Variants in PKN2 observed in about 807,000 individuals in gnomAD.
PKN2 encodes the protein protein kinase N2, also known as serine/threonine-protein kinase N2.
A neutral mutation model predicts 119.1 loss-of-function variants in PKN2; 38 were observed. That is an observed-to-expected ratio of 0.32 (90% CI 0.25 to 0.42). The LOEUF (loss-of-function observed/expected upper bound fraction) is 0.42, where lower values mean the gene tolerates loss of function less well. PKN2 is among the 10% of genes least tolerant of loss of function. The pLI is 1.00. For missense variants in PKN2, 850 were observed against 1,165.1 expected (o/e 0.73, Z 3.94); for synonymous variants, 390 against 384.9 (o/e 1.01, Z -0.15).
At chr1:88,741,366 G>A in intron 2 of PKN2, 78 bp downstream of exon 2, 1 of 947,674 alleles carries the variant, frequency 1.1e-6, no homozygotes, top group Non-Finnish European at 1.5e-6. Flanking sequence ...AGTAAGTTTG[G>A]GGACATGAAT....
At chr1:88,708,216 T>G (rs1667077637) in intron 1 of PKN2, among the ~76,000 whole-genome samples, 1 of 152,168 alleles carries the variant, frequency 6.6e-6, no homozygotes, top group South Asian at 2.1e-4. Flanking sequence ...GTTGAACCTG[T>G]TAAACCTGTA....
chr1:88,710,123 C>T (rs1000533797), intron 1 of PKN2, among the ~76,000 whole-genome samples: 41 of 152,042 alleles, frequency 2.7e-4, no homozygotes, highest in African/African-American at 7.2e-4. Context: ...AATGTAAAAC[C>T]GGTCCTGGGA....
At chr1:88,710,166 G>A (rs1318995023) in intron 1 of PKN2, among the ~76,000 whole-genome samples, 2 of 152,056 alleles carry the variant, frequency 1.3e-5, no homozygotes, top group Admixed American at 6.6e-5. Flanking sequence ...GGAAGTCATC[G>A]GATAATATTT....
rs1031073179 is a variant in PKN2, at chr1:88,835,223, G to A, written c.*1775G>A. On this transcript the variant is annotated 3_prime_UTR_variant, in exon 22 of 22. Transcript: ENST00000370521. ...TTATAGAATGGGGGAACAATATGTG[G>A]TTTAAAGTTATTTTAAAATGCCAGT... 1.3e-5 allele frequency: 2 copies of A among 152,238 alleles called. No individual in the cohort carries two copies. Among genetic ancestry groups the A allele is most frequent in the African/African-American group, 4.8e-5 (2 of 41,426 alleles). The allele number at this position is 152,238 out of a possible 1,614,324, so 9.4% of individuals were successfully genotyped here.
At chr1:88,781,639 A>C (rs1041910967) in intron 6 of PKN2, among the ~76,000 whole-genome samples, 7 of 152,136 alleles carry the variant, frequency 4.6e-5, no homozygotes, top group Non-Finnish European at 7.4e-5. Flanking sequence ...CTAGATGTTT[A>C]ATAAAGAACT....
At chr1:88,687,506 T>C (rs1054471303) in intron 1 of PKN2, among the ~76,000 whole-genome samples, 3 of 152,174 alleles carry the variant, frequency 2.0e-5, no homozygotes, top group Non-Finnish European at 4.4e-5. Context: ...TAATGAAAAC[T>C]GTAAAGAATC....
chr1:88,744,461 A>C (rs1448255307), intron 2 of PKN2, among the ~76,000 whole-genome samples: 3 of 152,140 alleles, frequency 2.0e-5, no homozygotes, highest in Non-Finnish European at 4.4e-5. Context: ...TCCCTCTGTC[A>C]CCAGGCTGGA....
chr1:88,718,225 C>T (rs1009614325), intron 1 of PKN2, among the ~76,000 whole-genome samples: 16 of 152,148 alleles, frequency 1.1e-4, no homozygotes, highest in East Asian at 1.9e-4. Context: ...ATGAGGTGTC[C>T]GTTGGGCCCT....
chr1:88,713,046 T>C lies in PKN2; in HGVS notation c.49-27942T>C, dbSNP rs941384771. Among the ~76,000 whole-genome samples, 3 of 152,282 alleles carry C rather than the reference T, an allele frequency of 2.0e-5. No homozygotes were observed. The East Asian group carries it at 5.8e-4, about 29-fold the overall frequency. ...AATGTTTGGTTTTCTGTCCTTGCGA[T>C]AGTTTGCTCAGAATGATGGTTTCCA... On this transcript the variant is annotated intron_variant, in intron 1 of 21. Coordinates refer to ENST00000370521, the MANE Select transcript of PKN2 (RefSeq NM_006256.4).
chr1:88,768,870 G>C (rs920869568), intron 3 of PKN2, among the ~76,000 whole-genome samples: 1 of 152,216 alleles, frequency 6.6e-6, no homozygotes, highest in Non-Finnish European at 1.5e-5. Flanking sequence ...GCTGGCATGT[G>C]CTTCTGTTGA....
At chr1:88,772,852 ATTC>A (rs1570607759) in intron 6 of PKN2, among the ~76,000 whole-genome samples, 1 of 151,930 alleles carries the variant, frequency 6.6e-6, no homozygotes, top group South Asian at 2.1e-4. Context: ...ATTTTTTTTC[ATTC>A]TTCTTTGATC....
intron 2 of PKN2, among the ~76,000 whole-genome samples, chr1:88,751,366 A>G (rs1054821380): frequency 1.2e-4 from 18 of 147,764 alleles, no homozygotes; most frequent in African/African-American, 4.5e-4. Context: ...CATACATTAT[A>G]TATTTACACA....
chr1:88,829,869 CTTGTCATTTA>C (rs1158887561), intron 19 of PKN2, among the ~76,000 whole-genome samples: 3 of 152,112 alleles, frequency 2.0e-5, no homozygotes, highest in Admixed American at 6.5e-5. Flanking sequence ...TTGTTCTATG[CTTGTCATTTA>C]TTGGCACTTA....
intron 1 of PKN2, among the ~76,000 whole-genome samples, chr1:88,721,236 C>T (rs1027432766): frequency 2.6e-5 from 4 of 152,016 alleles, no homozygotes; most frequent in Non-Finnish European, 5.9e-5. Context: ...TTTACATTCC[C>T]ACCAGCAGTG....
intron 8 of PKN2, among the ~76,000 whole-genome samples, chr1:88,803,679 T>TA (rs1430521783): frequency 1.3e-5 from 2 of 152,222 alleles, no homozygotes; most frequent in Non-Finnish European, 2.9e-5. Flanking sequence ...TATTCTCTCA[T>TA]ACGGCTTTGG....
At chr1:88,809,790 TC>T (rs928575040) in intron 15 of PKN2, among the ~76,000 whole-genome samples, 1 of 152,130 alleles carries the variant, frequency 6.6e-6, no homozygotes, top group African/African-American at 2.4e-5. Flanking sequence ...TACATTTCTT[TC>T]CCCCATAGTG....
intron 2 of PKN2, 104 bp from the exon 3 acceptor site, chr1:88,760,118 T>C (rs1036590175): frequency 4.7e-6 from 3 of 644,572 alleles, no homozygotes; most frequent in Non-Finnish European, 8.2e-6. Flanking sequence ...TCATTTAGGC[T>C]CATCTCAAAG....
At chr1:88,794,878 AT>A (rs1670998095) in intron 8 of PKN2, among the ~76,000 whole-genome samples, 1 of 152,098 alleles carries the variant, frequency 6.6e-6, no homozygotes, top group Non-Finnish European at 1.5e-5. Context: ...CCTTATCTTT[AT>A]ACCTACCTGC....
chr1:88,776,662 C>T (rs1219319736), intron 6 of PKN2, among the ~76,000 whole-genome samples: 1 of 151,686 alleles, frequency 6.6e-6, no homozygotes, highest in Admixed American at 6.6e-5. Context: ...ATCGTTTGAA[C>T]GCGGGAGGCG....
Sources: allele counts gnomAD v4.1 joint callset (sites outside exome capture counted in the v4.1 genomes callset), GRCh38; gene constraint gnomAD v4.1.1; transcripts MANE v1.5; gene names NCBI Gene and HGNC (gene_info 2026-07-23, HGNC 2026-07-21).